The following CTNNA3 variants were observed in gnomAD, a reference collection of about 807,000 sequenced individuals.
CTNNA3 encodes catenin alpha 3.
CTNNA3 carries 76 observed loss-of-function variants against 95.7 expected under a neutral mutation model. The observed-to-expected ratio is 0.79, with a 90% CI of 0.66 to 0.96. The LOEUF (loss-of-function observed/expected upper bound fraction) is 0.96. Ranked by LOEUF, CTNNA3 falls within the 40% of genes least tolerant of loss-of-function variation. CTNNA3 has a pLI of 0.00. For synonymous variants in CTNNA3, 431 were observed against 374.4 expected (o/e 1.15, Z -1.74); for missense variants, 1,191 against 1,089.8 (o/e 1.09, Z -1.31).
chr10:66,969,077 A>G (rs1020769847), intron 7 of CTNNA3, among the ~76,000 whole-genome samples: 2 of 151,956 alleles, frequency 1.3e-5, no homozygotes, highest in African/African-American at 2.4e-5. Flanking sequence ...TTTATGAGCT[A>G]TTTCTTTTAA....
chr10:66,628,712 G>A (rs1296168663), intron 9 of CTNNA3, among the ~76,000 whole-genome samples: 1 of 152,128 alleles, frequency 6.6e-6, no homozygotes, highest in Non-Finnish European at 1.5e-5. Flanking sequence ...CTTGGACACA[G>A]TAGTAAGTAG....
chr10:66,649,181 C>T lies in CTNNA3; in HGVS notation c.1282-27397G>A, dbSNP rs1014393549. Among the ~76,000 whole-genome samples the T allele has an allele frequency of 1.6e-4, 25 of 151,820 alleles. 1 individual carries two copies. On this transcript the variant is annotated intron_variant, in intron 9 of 17. Coordinates refer to ENST00000433211, the MANE Select transcript of CTNNA3 (RefSeq NM_013266.4). Reference sequence around the variant, plus strand: ...GCAATGATTTCAGTGGAGAATGCGACTGAAGTTTGATTAGAGTGAATTAAG... The same window carrying T: ...GCAATGATTTCAGTGGAGAATGCGATTGAAGTTTGATTAGAGTGAATTAAG...
chr10:66,660,067 C>T (rs1456418397), intron 9 of CTNNA3, among the ~76,000 whole-genome samples: 1 of 152,030 alleles, frequency 6.6e-6, no homozygotes, highest in Non-Finnish European at 1.5e-5. Flanking sequence ...AAAGATCCTT[C>T]TGCCTTAGTC....
intron 9 of CTNNA3, among the ~76,000 whole-genome samples, chr10:66,672,519 G>T (rs753525606): frequency 3.3e-4 from 50 of 152,052 alleles, no homozygotes; most frequent in Non-Finnish European, 5.4e-4. Flanking sequence ...TGCTTTGGGG[G>T]TTATGTATCA....
intron 3 of CTNNA3, among the ~76,000 whole-genome samples, chr10:67,573,123 C>T (rs950092284): frequency 6.6e-6 from 1 of 151,976 alleles, no homozygotes; most frequent in African/African-American, 2.4e-5. Flanking sequence ...AGAATAAAAG[C>T]TATGCTGCTC....
chr10:66,459,863 A>G (rs915594148), intron 11 of CTNNA3, among the ~76,000 whole-genome samples: 1 of 152,184 alleles, frequency 6.6e-6, no homozygotes, highest in Non-Finnish European at 1.5e-5. Flanking sequence ...AAACACTATC[A>G]TGTAATGAAT....
At chr10:66,894,097 AC>A (rs1224445851) in intron 7 of CTNNA3, among the ~76,000 whole-genome samples, 2 of 152,138 alleles carry the variant, frequency 1.3e-5, no homozygotes, top group Non-Finnish European at 1.5e-5. Context: ...TACAAATAAA[AC>A]AAAAATATTA....
chr10:66,158,018 T>C (rs1423076924), intron 13 of CTNNA3, among the ~76,000 whole-genome samples: 2 of 152,134 alleles, frequency 1.3e-5, no homozygotes, highest in Non-Finnish European at 2.9e-5. Flanking sequence ...TTGTTTGCTT[T>C]TTCTTACTGA....
At chr10:65,958,365 G>A (rs964573915) in intron 17 of CTNNA3, among the ~76,000 whole-genome samples, 4 of 152,040 alleles carry the variant, frequency 2.6e-5, no homozygotes, top group Non-Finnish European at 4.4e-5. Flanking sequence ...TGTTATTACC[G>A]ATCATCTGAA....
chr10:66,702,337 G>C (rs955481424), intron 9 of CTNNA3, among the ~76,000 whole-genome samples: 3 of 151,922 alleles, frequency 2.0e-5, no homozygotes, highest in Admixed American at 2.0e-4. Flanking sequence ...AACAGTTGAA[G>C]GACCAGGAAG....
chr10:66,132,608 T>C (rs2083164067), intron 13 of CTNNA3, among the ~76,000 whole-genome samples: 1 of 152,222 alleles, frequency 6.6e-6, no homozygotes, highest in South Asian at 2.1e-4. Context: ...CATATGTTTA[T>C]TGTAGCAGTA....
At chr10:67,024,631 T>G (rs529883647) in intron 7 of CTNNA3, among the ~76,000 whole-genome samples, 21 of 152,306 alleles carry the variant, frequency 1.4e-4, no homozygotes, top group Non-Finnish European at 2.5e-4. Flanking sequence ...GAGCCATATA[T>G]GCAAATGGGT....
Position 66,068,288 on chromosome 10 carries a change from TTATA to T in CTNNA3, c.2159+1016_2159+1019del, listed in dbSNP as rs1815457529. 2.6e-5 allele frequency among the ~76,000 whole-genome samples: 4 copies of T among 152,178 alleles called. No homozygotes were observed. In the South Asian group the frequency reaches 8.3e-4, roughly 31 times the overall value. On this transcript the variant is annotated intron_variant, in intron 15 of 17. Transcript: ENST00000433211. ...AATTTTTTATGTCTGCAAGTATTCTTTATATATAAATGGGATCAAATTTTTGTTT... is the reference window on the plus strand; with the variant it reads ...AATTTTTTATGTCTGCAAGTATTCTTTATAAATGGGATCAAATTTTTGTTT...
chr10:67,033,253 T>G (rs1037494356), intron 7 of CTNNA3, among the ~76,000 whole-genome samples: 2 of 152,280 alleles, frequency 1.3e-5, no homozygotes, highest in Middle Eastern at 6.8e-3. Context: ...TGAGGCAAAG[T>G]GTTATGTGAG....
chr10:66,157,491 G>GTAGATAGA (rs34507083), intron 13 of CTNNA3, among the ~76,000 whole-genome samples: 126 of 147,484 alleles, frequency 8.5e-4, no homozygotes, highest in East Asian at 1.4e-3. Context: ...AGATAGATAT[G>GTAGATAGA]TAGATAGATA....
chr10:66,167,801 G>T (rs946029549), intron 13 of CTNNA3, among the ~76,000 whole-genome samples: 62 of 152,288 alleles, frequency 4.1e-4, no homozygotes, highest in African/African-American at 1.4e-3. Flanking sequence ...TTCCTAGACT[G>T]CTGTGCAGTT....
chr10:66,127,585 A>G (rs1161331745), intron 13 of CTNNA3, among the ~76,000 whole-genome samples: 1 of 152,176 alleles, frequency 6.6e-6, no homozygotes, highest in African/African-American at 2.4e-5. Context: ...CTAAGGAGGC[A>G]TGACTATTAA....
intron 7 of CTNNA3, among the ~76,000 whole-genome samples, chr10:66,819,606 G>A (rs1589291440): frequency 6.6e-6 from 1 of 151,760 alleles, no homozygotes; most frequent in South Asian, 2.1e-4. Flanking sequence ...TCTGATAAGG[G>A]TCTAGTATAC....
At chr10:67,255,482 C>T (rs1283299481) in intron 5 of CTNNA3, among the ~76,000 whole-genome samples, 1 of 152,132 alleles carries the variant, frequency 6.6e-6, no homozygotes, top group Non-Finnish European at 1.5e-5. Context: ...TACATAAGCA[C>T]AGACGCTAAT....
Sources: allele counts gnomAD v4.1 joint callset (sites outside exome capture counted in the v4.1 genomes callset), GRCh38; gene constraint gnomAD v4.1.1; transcripts MANE v1.5; gene names NCBI Gene and HGNC (gene_info 2026-07-23, HGNC 2026-07-21).